Variants in RTCA observed in about 807,000 individuals in gnomAD.
RTCA encodes RNA 3'-terminal phosphate cyclase, also known as RNA terminal phosphate cyclase domain 1.
RTCA carries 37 observed loss-of-function variants against 46.1 expected under a neutral mutation model. The ratio of observed to expected loss-of-function variants is 0.80; its 90% CI spans 0.62 to 1.06. RTCA has a LOEUF of 1.06. Among genes scored for constraint, RTCA ranks in the 50% least tolerant of loss-of-function variants. The pLI is 0.00. For missense variants in RTCA, 435 were observed against 455.5 expected, an observed-to-expected ratio of 0.95 and a Z score of 0.41; for synonymous variants, 164 against 158.3, an observed-to-expected ratio of 1.04 and a Z score of -0.27.
intron 6 of RTCA, 46 bp downstream of exon 6, chr1:100,275,011 G>A: frequency 6.7e-7 from 1 of 1,499,070 alleles, no homozygotes. Context: ...TGTGTGTCTT[G>A]ATAAATATTA....
Position 100,270,612 on chromosome 1 carries a change from C to T in RTCA, c.346C>T (p.Pro116Ser). 6.2e-7 allele frequency: 1 copy of T among 1,614,098 alleles called. No individual in the cohort carries two copies. ...SMPCVLFAAS[P>S]SELHLKGGTN... ...GCCGTGTGTTCTCTTTGCTGCTTCT[C>T]CATCAGAACTTCATTTGAAAGGTGG... The change falls in exon 4 of 11, where the codon CCA (proline) becomes TCA (serine). Residue 116 changes from proline (P) to serine (S), a missense_variant. By Grantham distance (74) the Pro-to-Ser change is moderately conservative. Transcript: ENST00000370128.
chr1:100,277,962 T>C (rs1404452109), intron 8 of RTCA, among the ~76,000 whole-genome samples: 1 of 152,220 alleles, frequency 6.6e-6, no homozygotes, highest in Non-Finnish European at 1.5e-5. Context: ...TAAATTTGTC[T>C]GATTGTCTCA....
intron 2 of RTCA, chr1:100,267,387 C>G: frequency 8.4e-7 from 1 of 1,188,558 alleles, no homozygotes; most frequent in Non-Finnish European, 1.1e-6. Flanking sequence ...AGTTCACCAA[C>G]AGGGGAATCC....
At position 100,285,297 on chromosome 1, in the gene RTCA, C is replaced by T; in HGVS notation, c.869C>T (p.Thr290Ile). The T allele has an allele frequency of 6.2e-7, 1 of 1,613,494 alleles. No homozygotes were observed. Among genetic ancestry groups the T allele is most frequent in the Non-Finnish European group, 8.5e-7 (1 of 1,179,614 alleles). Residue 290 changes from threonine to isoleucine, a missense_variant, in exon 9 of 11, where the codon ACT (threonine) becomes ATT (isoleucine). Coordinates refer to ENST00000370128, the MANE Select transcript of RTCA (RefSeq NM_003729.4). ...MLLANLRHGG[T>I]VDEYLQDQLI... ...TTAGCAAATCTTAGACATGGTGGTA[C>T]TGTGGATGAGTATCTGCAAGACCAG... is the stretch of plus-strand genomic sequence containing the variant.
chr1:100,275,301 G>T (rs986713684), intron 6 of RTCA, among the ~76,000 whole-genome samples: 1 of 151,970 alleles, frequency 6.6e-6, no homozygotes, highest in Non-Finnish European at 1.5e-5. Context: ...CTAGGTGATG[G>T]GATCATTCAT....
intron 1 of RTCA, 22 bp downstream of exon 1, chr1:100,266,442 C>T (rs368258507): frequency 3.1e-6 from 5 of 1,609,382 alleles, no homozygotes; most frequent in East Asian, 2.2e-5. Context: ...GCGAAGCGGC[C>T]GGGGCTGCAG....
chr1:100,282,650 A>G (rs1666775318), intron 8 of RTCA, among the ~76,000 whole-genome samples: 2 of 152,234 alleles, frequency 1.3e-5, no homozygotes. Context: ...TTCCTAATCC[A>G]AAAATCTAAA....
chr1:100,270,779 G>A, intron 4 of RTCA, 99 bp downstream of exon 4: 1 of 1,343,610 alleles, frequency 7.4e-7, no homozygotes, highest in African/African-American at 1.5e-5. Flanking sequence ...TGACTTTCTT[G>A]TTTATCTCTT....
At chr1:100,281,385 G>T (rs763973554) in intron 8 of RTCA, 2 of 500,008 alleles carry the variant, frequency 4.0e-6, no homozygotes, top group Non-Finnish European at 8.2e-6. Context: ...TCATTATCAT[G>T]CATAGTGACT....
At chr1:100,271,618 T>C (rs1415981367) in intron 4 of RTCA, among the ~76,000 whole-genome samples, 1 of 152,220 alleles carries the variant, frequency 6.6e-6, no homozygotes, top group African/African-American at 2.4e-5. Flanking sequence ...TAAAAAATGA[T>C]TTAAAAAATA....
intron 10 of RTCA, among the ~76,000 whole-genome samples, chr1:100,288,418 T>C (rs949423371): frequency 2.6e-5 from 4 of 152,164 alleles, no homozygotes; most frequent in Admixed American, 2.6e-4. Flanking sequence ...ATTTTTATTA[T>C]TATTGTTTTT....
intron 9 of RTCA, among the ~76,000 whole-genome samples, chr1:100,285,846 C>A (rs1471940269): frequency 6.6e-6 from 1 of 152,218 alleles, no homozygotes; most frequent in Non-Finnish European, 1.5e-5. Context: ...GTTGACCAGG[C>A]TAATCCTAAA....
At position 100,270,406 on chromosome 1, in the gene RTCA, T is replaced by G. The variant is rs537948463; in HGVS notation, c.291-151T>G. On this transcript the variant is annotated intron_variant, in intron 3 of 10. Coordinates refer to ENST00000370128, the MANE Select transcript of RTCA (RefSeq NM_003729.4). ...TTTTACTATTCAGACACTAAAATGT[T>G]TTTTAACTAGAAACTCAATGGCATA... 5 of 860,420 alleles carry G rather than the reference T, an allele frequency of 5.8e-6. No individual in the cohort carries two copies. In the African/African-American group the frequency reaches 6.8e-5, roughly 12 times the overall value. The allele number at this position is 860,420 out of a possible 1,614,324, so 53.3% of individuals were successfully genotyped here.
At chr1:100,272,439 T>C (rs562260012) in intron 4 of RTCA, among the ~76,000 whole-genome samples, 77 of 152,162 alleles carry the variant, frequency 5.1e-4, no homozygotes, top group Admixed American at 1.8e-3. Context: ...AAAATAAATA[T>C]CAAATAGAGG....
chr1:100,283,160 C>CTTTTTTT (rs71084815), intron 8 of RTCA, among the ~76,000 whole-genome samples: 24 of 102,092 alleles, frequency 2.4e-4, no homozygotes, highest in African/African-American at 4.3e-4. Context: ...CCAAATATTC[C>CTTTTTTT]TTTTTTTTTT....
chr1:100,289,734 A>G (rs1033924325), intron 10 of RTCA, among the ~76,000 whole-genome samples: 3 of 152,110 alleles, frequency 2.0e-5, no homozygotes, highest in Non-Finnish European at 4.4e-5. Context: ...ATGTATACAT[A>G]ACGGAAAGTG....
chr1:100,277,113 C>G, intron 7 of RTCA, 145 bp from the exon 8 acceptor site: 1 of 681,206 alleles, frequency 1.5e-6, no homozygotes, highest in South Asian at 1.7e-5. Flanking sequence ...TTAATCATAC[C>G]ACTCTATATG....
chr1:100,267,654 T>TG (rs1376543944), intron 2 of RTCA: 1 of 1,144,516 alleles, frequency 8.7e-7, no homozygotes, highest in East Asian at 2.9e-5. Context: ...TGTTCTAGTT[T>TG]TTTTTTTTTT....
intron 8 of RTCA, among the ~76,000 whole-genome samples, chr1:100,284,219 A>G (rs1646350750): frequency 6.6e-6 from 1 of 152,156 alleles, no homozygotes; most frequent in African/African-American, 2.4e-5. Context: ...AAGATTTGGA[A>G]TATGTATGGA....
Sources: gnomAD v4.1 joint callset for allele counts (sites outside exome capture counted in the v4.1 genomes callset) on GRCh38, gnomAD v4.1.1 for gene constraint, MANE v1.5 for transcripts, NCBI Gene and HGNC (gene_info 2026-07-23, HGNC 2026-07-21) for gene names.